KCNIP4: variants seen among roughly 807,000 people sequenced by gnomAD.
KCNIP4 encodes potassium voltage-gated channel interacting protein 4.
KCNIP4 carries 12 observed loss-of-function variants against 34.0 expected under a neutral mutation model. That is an observed-to-expected ratio of 0.35 (90% confidence interval 0.23 to 0.57). KCNIP4 has a LOEUF of 0.57. KCNIP4 is among the 20% of genes least tolerant of loss of function. The probability of loss-of-function intolerance (pLI) is 0.83; values close to 1 mark genes in which losing one functional copy is unlikely to be tolerated. For missense variants in KCNIP4, 238 were observed against 311.7 expected (o/e 0.76, Z 1.78); for synonymous variants, 124 against 102.2 (o/e 1.21, Z -1.29).
intron 1 of KCNIP4, among the ~76,000 whole-genome samples, chr4:21,917,388 G>A (rs1274945892): frequency 6.6e-6 from 1 of 152,046 alleles, no homozygotes; most frequent in Non-Finnish European, 1.5e-5. Flanking sequence ...ACCCACCTTG[G>A]CCTCCCAAAG....
At chr4:21,447,400 G>T (rs1235446596) in intron 1 of KCNIP4, among the ~76,000 whole-genome samples, 1 of 151,954 alleles carries the variant, frequency 6.6e-6, no homozygotes, top group Non-Finnish European at 1.5e-5. Context: ...TTGATTTCAG[G>T]CATCTGGACT....
chr4:20,835,739 T>TTGATATAG (rs1307094933), intron 3 of KCNIP4, among the ~76,000 whole-genome samples: 1 of 152,132 alleles, frequency 6.6e-6, no homozygotes, highest in East Asian at 1.9e-4. Context: ...AAATTTTGAT[T>TTGATATAG]ACTAATTCTT....
chr4:21,863,554 A>G (rs1725235437), intron 1 of KCNIP4, among the ~76,000 whole-genome samples: 1 of 152,178 alleles, frequency 6.6e-6, no homozygotes, highest in Non-Finnish European at 1.5e-5. Context: ...TTTCTGAGGA[A>G]GGAAGAGAGG....
intron 1 of KCNIP4, among the ~76,000 whole-genome samples, chr4:21,589,156 GTATATATA>G (rs375787939): frequency 1.5e-4 from 11 of 71,242 alleles, no homozygotes; most frequent in Admixed American, 1.8e-4. Flanking sequence ...ATGGAGGTGT[GTATATATA>G]TATATATATA....
intron 1 of KCNIP4, among the ~76,000 whole-genome samples, chr4:21,650,325 T>C (rs895263879): frequency 4.6e-5 from 7 of 152,220 alleles, no homozygotes; most frequent in Admixed American, 2.6e-4. Flanking sequence ...ATGGTGTTTG[T>C]TTTTATGTTT....
At chr4:20,769,626 ATC>A in intron 3 of KCNIP4, among the ~76,000 whole-genome samples, 1 of 152,202 alleles carries the variant, frequency 6.6e-6, no homozygotes, top group African/African-American at 2.4e-5. Context: ...CAAATGTATC[ATC>A]TCACACTTCT....
chr4:21,309,124 AG>A (rs780872641), intron 1 of KCNIP4, among the ~76,000 whole-genome samples: 1 of 152,190 alleles, frequency 6.6e-6, no homozygotes, highest in Non-Finnish European at 1.5e-5. Context: ...ATGAAAGATT[AG>A]TTTGCCCTTT....
At chr4:21,847,503 A>AT (rs1724094764) in intron 1 of KCNIP4, 1 of 152,198 alleles carries the variant, frequency 6.6e-6, no homozygotes, top group Admixed American at 6.5e-5. Flanking sequence ...TTCTGAAATA[A>AT]AGTCTGAAAT....
rs750947837 is a variant in KCNIP4, at chr4:21,889,685, C to T, written c.61+58886G>A. On this transcript the variant is annotated intron_variant, in intron 1 of 8. Transcript: ENST00000382152. ...ATGGTTCAGAACATGTAAAGGTTTT[C>T]GAGTAGGAAAAAACCTAGAACTAAC... Among the ~76,000 whole-genome samples, 22 of 151,986 alleles carry T rather than the reference C, an allele frequency of 1.4e-4. No individual in the cohort carries two copies. In the East Asian group the frequency reaches 1.5e-3, roughly 11 times the overall value.
At chr4:21,697,474 A>C in intron 1 of KCNIP4, 4 of 1,530,256 alleles carry the variant, frequency 2.6e-6, no homozygotes, top group South Asian at 1.3e-5. Flanking sequence ...GAGAGCCAGA[A>C]GTCTTTGCCA....
At chr4:21,915,214 A>G (rs1490621294) in intron 1 of KCNIP4, among the ~76,000 whole-genome samples, 3 of 152,214 alleles carry the variant, frequency 2.0e-5, no homozygotes, top group Admixed American at 1.3e-4. Context: ...CAGTGTTACA[A>G]TAAAATTTTA....
chr4:21,362,830 C>A (rs892473488), intron 1 of KCNIP4, among the ~76,000 whole-genome samples: 1 of 151,998 alleles, frequency 6.6e-6, no homozygotes, highest in Admixed American at 6.6e-5. Context: ...GCCCTTATCC[C>A]GCCGTTTATA....
chr4:21,416,156 A>G (rs1724936093), intron 1 of KCNIP4, among the ~76,000 whole-genome samples: 1 of 152,204 alleles, frequency 6.6e-6, no homozygotes, highest in Non-Finnish European at 1.5e-5. Flanking sequence ...AAGTGGCTCT[A>G]TTTCTTTCTA....
At chr4:21,223,413 G>A (rs1306733597) in intron 1 of KCNIP4, among the ~76,000 whole-genome samples, 2 of 152,182 alleles carry the variant, frequency 1.3e-5, no homozygotes, top group African/African-American at 4.8e-5. Context: ...GAATAAATCT[G>A]TGTTGTTTAA....
intron 1 of KCNIP4, among the ~76,000 whole-genome samples, chr4:21,875,425 C>T (rs550639852): frequency 3.4e-4 from 52 of 152,226 alleles, no homozygotes; most frequent in African/African-American, 1.2e-3. Flanking sequence ...ATGTTTTTCA[C>T]CTATTTACTC....
At chr4:21,132,853 C>CA (rs71189683) in intron 1 of KCNIP4, among the ~76,000 whole-genome samples, 1,770 of 116,598 alleles carry the variant, frequency 0.015, 16 homozygotes, top group East Asian at 0.041. Context: ...TACTAAACGA[C>CA]AAAAAAAAAA....
chr4:20,970,763 C>T (rs1734852338), intron 1 of KCNIP4, among the ~76,000 whole-genome samples: 1 of 152,154 alleles, frequency 6.6e-6, no homozygotes, highest in South Asian at 2.1e-4. Flanking sequence ...TAATTCAAGC[C>T]TGTTGTGCAA....
chr4:21,561,024 C>A (rs1301202446), intron 1 of KCNIP4, among the ~76,000 whole-genome samples: 1 of 151,930 alleles, frequency 6.6e-6, no homozygotes, highest in Non-Finnish European at 1.5e-5. Flanking sequence ...GTCTCAGAAA[C>A]ATTTTTTGGT....
chr4:21,839,697 G>A (rs1435403624), intron 1 of KCNIP4, among the ~76,000 whole-genome samples: 3 of 152,168 alleles, frequency 2.0e-5, no homozygotes, highest in Admixed American at 1.3e-4. Context: ...AGGAGGTTGG[G>A]TGAGCTGAGA....
Sources: allele counts gnomAD v4.1 joint callset (sites outside exome capture counted in the v4.1 genomes callset), GRCh38; gene constraint gnomAD v4.1.1; transcripts MANE v1.5; gene names NCBI Gene and HGNC (gene_info 2026-07-23, HGNC 2026-07-21).